The following OPCML variants were observed in gnomAD, a reference collection of about 807,000 sequenced individuals.
OPCML encodes the protein opioid binding protein/cell adhesion molecule like.
A neutral mutation model predicts 37.8 loss-of-function variants in OPCML; 13 were observed. That is an observed-to-expected ratio of 0.34 (90% CI 0.22 to 0.55). The LOEUF (loss-of-function observed/expected upper bound fraction) is 0.55. Ranked by LOEUF, OPCML falls within the 20% of genes least tolerant of loss-of-function variation. The pLI is 0.91. For synonymous variants in OPCML, 176 were observed against 168.8 expected (o/e 1.04, Z -0.33); for missense variants, 341 against 435.6 (o/e 0.78, Z 1.93).
At chr11:132,807,286 G>C (rs1326219029) in intron 2 of OPCML, among the ~76,000 whole-genome samples, 1 of 152,056 alleles carries the variant, frequency 6.6e-6, no homozygotes, top group Non-Finnish European at 1.5e-5. Context: ...GAATAATCAT[G>C]ATTAAGCAAA....
intron 1 of OPCML, among the ~76,000 whole-genome samples, chr11:133,126,420 A>C (rs2137126792): frequency 6.6e-6 from 1 of 152,248 alleles, no homozygotes; most frequent in East Asian, 1.9e-4. Context: ...TCCCAGACAC[A>C]CCCAGAAATA....
At chr11:133,314,541 C>T (rs1943156300) in intron 1 of OPCML, among the ~76,000 whole-genome samples, 1 of 145,104 alleles carries the variant, frequency 6.9e-6, no homozygotes, top group Non-Finnish European at 1.5e-5. Flanking sequence ...GTTTTCCATG[C>T]TGCCTTCCAT....
intron 1 of OPCML, among the ~76,000 whole-genome samples, chr11:133,335,027 A>C (rs1943712465): frequency 6.6e-6 from 1 of 152,168 alleles, no homozygotes; most frequent in Non-Finnish European, 1.5e-5. Context: ...AACTGTTGAC[A>C]TGTTGGGCTG....
intron 1 of OPCML, among the ~76,000 whole-genome samples, chr11:133,102,731 T>C (rs547335087): frequency 3.6e-4 from 54 of 152,052 alleles, no homozygotes; most frequent in African/African-American, 8.9e-4. Context: ...GCCTGGGTGA[T>C]AGAGCAAGAC....
chr11:133,439,211 C>A (rs1414224104), intron 1 of OPCML: 22 of 867,786 alleles, frequency 2.5e-5, no homozygotes, highest in Non-Finnish European at 3.0e-5. Flanking sequence ...CCTTAACCTG[C>A]AGGTCCTATG....
intron 2 of OPCML, among the ~76,000 whole-genome samples, chr11:132,796,634 C>T (rs1225768767): frequency 7.0e-6 from 1 of 142,998 alleles, no homozygotes. Flanking sequence ...AGTGCAGTGG[C>T]ACGATCTCGG....
At chr11:132,429,522 G>A (rs376152342) in intron 7 of OPCML, among the ~76,000 whole-genome samples, 1 of 152,206 alleles carries the variant, frequency 6.6e-6, no homozygotes, top group African/African-American at 2.4e-5. Context: ...AGAGTGTGCA[G>A]GGGAAGAGCG....
rs1295449994 is a variant in OPCML at position 132,420,003 on chromosome 11, C to G, written c.*190G>C. On this transcript the variant is annotated 3_prime_UTR_variant, in exon 8 of 8. Transcript: ENST00000524381. ...TACACGTGGTAGAACCCTGCCCACC[C>G]CGCCCCCAACCCCACTCATTCAAGC... 2.7e-6 allele frequency: 1 copy of G among 370,324 alleles called. No individual in the cohort carries two copies. The allele number at this position is 370,324 out of a possible 1,614,324, so 22.9% of individuals were successfully genotyped here. A position where few individuals can be genotyped will look rare whatever the true frequency, so the allele number is the denominator to read the frequency against.
intron 2 of OPCML, among the ~76,000 whole-genome samples, chr11:132,672,004 C>T (rs1942498049): frequency 6.6e-6 from 1 of 152,126 alleles, no homozygotes; most frequent in Non-Finnish European, 1.5e-5. Flanking sequence ...ACTACAGATT[C>T]CTGTTATTCT....
intron 2 of OPCML, among the ~76,000 whole-genome samples, chr11:132,881,883 T>G (rs1328572104): frequency 6.6e-6 from 1 of 152,212 alleles, no homozygotes; most frequent in Admixed American, 6.5e-5. Flanking sequence ...ATCTGGGAAA[T>G]GTGGTTGATT....
At chr11:132,531,302 A>G (rs978728567) in intron 3 of OPCML, among the ~76,000 whole-genome samples, 2 of 152,236 alleles carry the variant, frequency 1.3e-5, no homozygotes, top group Admixed American at 6.5e-5. Context: ...CAGATCCTCA[A>G]ATAAAAGGAA....
intron 1 of OPCML, among the ~76,000 whole-genome samples, chr11:133,499,843 T>C (rs1385549832): frequency 7.2e-6 from 1 of 138,250 alleles, no homozygotes; most frequent in Non-Finnish European, 1.5e-5. Context: ...TGTGTATGTA[T>C]ATATATATAC....
intron 1 of OPCML, among the ~76,000 whole-genome samples, chr11:133,354,977 A>G (rs2136701725): frequency 6.6e-6 from 1 of 152,348 alleles, no homozygotes; most frequent in East Asian, 1.9e-4. Flanking sequence ...GTTAGAGAGG[A>G]CAAGGATGGA....
rs1939049419 is a variant in OPCML, at chr11:132,806,941, T to C, written c.146+135985A>G. Reference sequence around the variant, plus strand: ...CACACATTTCTAAATAACTCATGGATCAAAGGAGAAGTCACAAAAAATGCA... The same window carrying C: ...CACACATTTCTAAATAACTCATGGACCAAAGGAGAAGTCACAAAAAATGCA... On this transcript the variant is annotated intron_variant, in intron 2 of 7. Coordinates refer to ENST00000524381, the MANE Select transcript of OPCML (RefSeq NM_001012393.5). 2.0e-5 allele frequency among the ~76,000 whole-genome samples: 3 copies of C among 152,106 alleles called. No homozygotes were observed. In the South Asian group the frequency reaches 6.2e-4, roughly 32 times the overall value.
intron 2 of OPCML, among the ~76,000 whole-genome samples, chr11:132,829,869 A>G (rs1225143788): frequency 6.6e-6 from 1 of 152,092 alleles, no homozygotes; most frequent in Non-Finnish European, 1.5e-5. Flanking sequence ...TGGGGTCCAC[A>G]TCTCTCTATA....
At chr11:133,045,839 G>A (rs1591947444) in intron 1 of OPCML, among the ~76,000 whole-genome samples, 1 of 152,186 alleles carries the variant, frequency 6.6e-6, no homozygotes, top group Admixed American at 6.5e-5. Flanking sequence ...CCAAGGGAAG[G>A]CTTCTTCTCA....
At chr11:132,601,076 A>AT (rs1937853684) in intron 3 of OPCML, among the ~76,000 whole-genome samples, 1 of 152,160 alleles carries the variant, frequency 6.6e-6, no homozygotes, top group Non-Finnish European at 1.5e-5. Context: ...GAATTAAATA[A>AT]TAACTGTCAA....
At chr11:133,484,465 C>T (rs903022224) in intron 1 of OPCML, among the ~76,000 whole-genome samples, 11 of 151,980 alleles carry the variant, frequency 7.2e-5, no homozygotes, top group African/African-American at 2.4e-4. Flanking sequence ...CAGATGCACA[C>T]CTAGAAGTGA....
intron 3 of OPCML, among the ~76,000 whole-genome samples, chr11:132,571,594 T>C (rs889958519): frequency 6.6e-6 from 1 of 152,198 alleles, no homozygotes; most frequent in Non-Finnish European, 1.5e-5. Context: ...CTGTCACATA[T>C]TGCAGAGTTT....
Sources: allele counts gnomAD v4.1 joint callset (sites outside exome capture counted in the v4.1 genomes callset), GRCh38; gene constraint gnomAD v4.1.1; transcripts MANE v1.5; gene names NCBI Gene and HGNC (gene_info 2026-07-23, HGNC 2026-07-21).